Variants in MACROD2 observed in about 807,000 individuals in gnomAD.
MACROD2 encodes ADP-ribose glycohydrolase MACROD2.
Under a neutral mutation model 70.4 loss-of-function variants are expected in MACROD2, and 36 were observed. The observed-to-expected ratio is 0.51, with a 90% CI of 0.39 to 0.68. MACROD2 has a LOEUF of 0.68. Ranked by LOEUF, MACROD2 falls within the 30% of genes least tolerant of loss-of-function variation. The pLI is 0.00. For synonymous variants in MACROD2, 172 were observed against 178.8 expected, an observed-to-expected ratio of 0.96 and a Z score of 0.30; for missense variants, 496 against 538.4, an observed-to-expected ratio of 0.92 and a Z score of 0.78.
At chr20:14,760,333 C>T (rs577599953) in intron 5 of MACROD2, among the ~76,000 whole-genome samples, 1 of 152,030 alleles carries the variant, frequency 6.6e-6, no homozygotes, top group African/African-American at 2.4e-5. Flanking sequence ...TTCACTTACT[C>T]TGGGGGTATC....
chr20:14,724,935 A>G (rs2071510719), intron 5 of MACROD2, among the ~76,000 whole-genome samples: 2 of 152,170 alleles, frequency 1.3e-5, no homozygotes, highest in South Asian at 4.1e-4. Context: ...CAAAGAAGGC[A>G]TGTTATGAGG....
chr20:14,546,380 G>T lies in MACROD2; in HGVS notation c.301+52872G>T, dbSNP rs138015491. Among the ~76,000 whole-genome samples the T allele has an allele frequency of 2.0e-5, 3 of 152,168 alleles. No individual in the cohort carries two copies. The East Asian group carries it at 5.8e-4, about 29-fold the overall frequency. ...AAGAATCCTCCAGGAGAAATATTTT[G>T]CAAATCTGCTTTTCAACAGTAATTA... On this transcript the variant is annotated intron_variant, in intron 4 of 17. Transcript: ENST00000684519.
intron 5 of MACROD2, among the ~76,000 whole-genome samples, chr20:14,923,690 A>G (rs1489016093): frequency 6.6e-6 from 1 of 151,488 alleles, no homozygotes; most frequent in Non-Finnish European, 1.5e-5. Context: ...CCAGTGGTCT[A>G]CCTTGTTGAA....
intron 4 of MACROD2, among the ~76,000 whole-genome samples, chr20:14,579,203 G>T (rs1370781163): frequency 7.4e-6 from 1 of 135,522 alleles, no homozygotes; most frequent in Non-Finnish European, 1.5e-5. Flanking sequence ...CTGCAGTGGC[G>T]CAATCTCGGC....
At chr20:15,897,394 T>C (rs997726330) in intron 10 of MACROD2, among the ~76,000 whole-genome samples, 1 of 152,182 alleles carries the variant, frequency 6.6e-6, no homozygotes, top group Non-Finnish European at 1.5e-5. Flanking sequence ...TTCATTTTTA[T>C]ATATCCTTCT....
At chr20:14,525,873 GT>G (rs1412448237) in intron 4 of MACROD2, among the ~76,000 whole-genome samples, 3 of 152,144 alleles carry the variant, frequency 2.0e-5, no homozygotes, top group South Asian at 4.1e-4. Flanking sequence ...CCTTCTGCTG[GT>G]TTTTCATTCA....
At chr20:14,774,141 T>C (rs1408550936) in intron 5 of MACROD2, among the ~76,000 whole-genome samples, 3 of 152,072 alleles carry the variant, frequency 2.0e-5, no homozygotes, top group Non-Finnish European at 2.9e-5. Context: ...ACCTTGGAAG[T>C]AGAGTATTAC....
intron 5 of MACROD2, among the ~76,000 whole-genome samples, chr20:14,754,419 A>C (rs1184061896): frequency 6.6e-6 from 1 of 152,176 alleles, no homozygotes; most frequent in Non-Finnish European, 1.5e-5. Flanking sequence ...TGAAAGGATT[A>C]GTAAAATAGT....
At chr20:15,363,434 G>A (rs1352025635) in intron 6 of MACROD2, among the ~76,000 whole-genome samples, 2 of 152,172 alleles carry the variant, frequency 1.3e-5, no homozygotes, top group Non-Finnish European at 2.9e-5. Context: ...GTTTCGAAAG[G>A]CACCATGGCA....
chr20:15,433,873 G>C (rs1254348049), intron 7 of MACROD2, among the ~76,000 whole-genome samples: 2 of 151,782 alleles, frequency 1.3e-5, no homozygotes, highest in African/African-American at 4.8e-5. Context: ...ACAGAATAAA[G>C]AATCCAGATA....
At chr20:15,051,315 A>G (rs532162706) in intron 5 of MACROD2, among the ~76,000 whole-genome samples, 4 of 150,624 alleles carry the variant, frequency 2.7e-5, no homozygotes, top group Admixed American at 2.0e-4. Flanking sequence ...GAGTAGTTCT[A>G]CAGAACCAGA....
At chr20:15,496,221 C>T (rs75672730) in intron 7 of MACROD2, among the ~76,000 whole-genome samples, 2,067 of 152,236 alleles carry the variant, frequency 0.014, 44 homozygotes, top group African/African-American at 0.046. Context: ...AACAAACTAA[C>T]GAGAAAACAA....
intron 4 of MACROD2, among the ~76,000 whole-genome samples, chr20:14,541,206 TA>T (rs1183953670): frequency 6.6e-6 from 1 of 152,202 alleles, no homozygotes; most frequent in Non-Finnish European, 1.5e-5. Flanking sequence ...TATGTGACAA[TA>T]GGTACTCTGA....
chr20:15,084,061 T>TCTTTG, intron 5 of MACROD2, among the ~76,000 whole-genome samples: 1 of 80,378 alleles, frequency 1.2e-5, no homozygotes, highest in East Asian at 3.8e-4. Context: ...AACACTAGGT[T>TCTTTG]TTTTTTTTTT....
intron 12 of MACROD2, among the ~76,000 whole-genome samples, chr20:15,950,190 A>G (rs2065885033): frequency 6.6e-6 from 1 of 152,240 alleles, no homozygotes; most frequent in East Asian, 1.9e-4. Flanking sequence ...TGGTTCTCAA[A>G]CTTTAATGTG....
chr20:15,864,878 T>TGTTGAAGC (rs2064470742), intron 9 of MACROD2, among the ~76,000 whole-genome samples: 4 of 152,166 alleles, frequency 2.6e-5, no homozygotes, highest in Admixed American at 2.6e-4. Context: ...ATTTCTGCAA[T>TGTTGAAGC]GTTGAAGCAT....
intron 2 of MACROD2, among the ~76,000 whole-genome samples, chr20:14,081,431 A>T (rs1601198411): frequency 6.6e-6 from 1 of 152,318 alleles, no homozygotes; most frequent in African/African-American, 2.4e-5. Context: ...GTTTTCTTTG[A>T]CATTATCAGA....
At chr20:15,336,747 C>T (rs1353378493) in intron 6 of MACROD2, among the ~76,000 whole-genome samples, 1 of 151,672 alleles carries the variant, frequency 6.6e-6, no homozygotes, top group South Asian at 2.1e-4. Flanking sequence ...CAGTGTGCCC[C>T]TCTCCTGCCC....
intron 2 of MACROD2, chr20:14,003,721 G>T: frequency 2.2e-6 from 1 of 464,418 alleles, no homozygotes. Flanking sequence ...CTTGGCAGCT[G>T]TATTCTGGAG....
Sources: gnomAD v4.1 joint callset for allele counts (sites outside exome capture counted in the v4.1 genomes callset) on GRCh38, gnomAD v4.1.1 for gene constraint, MANE v1.5 for transcripts, NCBI Gene and HGNC (gene_info 2026-07-23, HGNC 2026-07-21) for gene names.